The following KISS1R variants were observed in gnomAD, a reference collection of about 807,000 sequenced individuals.
KISS1R encodes kiSS-1 receptor.
KISS1R carries 19 observed loss-of-function variants against 22.0 expected under a neutral mutation model. The observed-to-expected ratio is 0.86, with a 90% CI of 0.60 to 1.26. KISS1R has a LOEUF of 1.26. Ranked by LOEUF, KISS1R falls within the 50% of genes most tolerant of loss-of-function variation. The pLI is 0.00. For missense variants in KISS1R, 653 were observed against 581.9 expected, an observed-to-expected ratio of 1.12 and a Z score of -1.26; for synonymous variants, 302 against 283.9, an observed-to-expected ratio of 1.06 and a Z score of -0.64.
rs1215038050 is a variant in KISS1R, at chr19:917,487, G to A, written c.-16G>A. 3.9e-5 allele frequency: 57 copies of A among 1,451,164 alleles called. No homozygotes were observed. The highest frequency in any genetic ancestry group is 5.1e-5 in the Non-Finnish European group (56 of 1,106,860). 89.9% of individuals were successfully genotyped at this position (1,451,164 alleles called of 1,614,324 possible). A position where few individuals can be genotyped will look rare whatever the true frequency, so the allele number is the denominator to read the frequency against. On this transcript the variant is annotated 5_prime_UTR_variant, in exon 1 of 5. Coordinates refer to ENST00000234371, the MANE Select transcript of KISS1R (RefSeq NM_032551.5). Reference sequence around the variant, plus strand: ...CAATCCTGGAGGGCGGCCGGGAGGAGGAGGTGCGCGCGGCCATGCACACCG... The same window carrying A: ...CAATCCTGGAGGGCGGCCGGGAGGAAGAGGTGCGCGCGGCCATGCACACCG...
chr19:919,971 G>T lies in KISS1R; in HGVS notation c.603G>T (p.Glu201Asp). The change falls in exon 4 of 5, where the codon GAG (glutamate) becomes GAT (aspartate). Residue 201 changes from glutamate to aspartate, a missense_variant. By Grantham distance (45) the Glu-to-Asp change is conservative. Transcript: ENST00000234371. ...CSEAFPSRAL[E>D]RAFALYNLLA... ...AGGCCTTCCCCAGCCGCGCCCTGGAGCGCGCCTTCGCACTGTACAACCTGC... is the reference window on the plus strand; with the variant it reads ...AGGCCTTCCCCAGCCGCGCCCTGGATCGCGCCTTCGCACTGTACAACCTGC... The T allele has an allele frequency of 6.4e-7, 1 of 1,569,020 alleles. No homozygotes were observed.
chr19:920,030 G>C lies in KISS1R; in HGVS notation c.662G>C (p.Cys221Ser). The change falls in exon 4 of 5, where the codon TGC becomes TCC. Residue 221 changes from cysteine to serine, a missense_variant. Physicochemically the swap from Cys to Ser is moderately radical, Grantham distance 112 (BLOSUM62 -1). Transcript: ENST00000234371. ...TACCTGCTGCCGCTGCTCGCCACCT[G>C]CGCCTGCTATGCGGCCATGCTGCGC... ...ALYLLPLLAT[C>S]ACYAAMLRHL... is the part of the protein sequence containing the mutation. 6.5e-7 allele frequency: 1 copy of C among 1,540,412 alleles called. No homozygotes were observed. Among genetic ancestry groups the C allele is most frequent in the Non-Finnish European group, 8.7e-7 (1 of 1,146,514 alleles).
At chr19:919,382 G>A in intron 2 of KISS1R, 108 bp from the exon 3 acceptor site, 1 of 1,460,660 alleles carries the variant, frequency 6.8e-7, no homozygotes, top group South Asian at 1.2e-5. Context: ...GACACTTCCC[G>A]TGTATGTGCC....
Position 920,493 on chromosome 19 carries a change from C to T in KISS1R, c.942C>T (p.Ser314=). The T allele has an allele frequency of 6.2e-7, 1 of 1,609,974 alleles. No homozygotes were observed. Among genetic ancestry groups the T allele is most frequent in the South Asian group, 1.1e-5 (1 of 90,620 alleles). ...CCTGGGCTCACTGCATGTCCTACAG[C>T]AACTCCGCGCTGAACCCGCTGCTCT... ...LKTWAHCMSY[S]NSALNPLLYA... Residue 314 remains serine (S), a synonymous_variant, in exon 5 of 5, where the codon AGC becomes AGT. Coordinates refer to ENST00000234371, the MANE Select transcript of KISS1R (RefSeq NM_032551.5).
rs1172123745 is a variant in KISS1R, at chr19:920,451, C to G, written c.900C>G (p.Ala300=). Residue 300 remains alanine, a synonymous_variant, in exon 5 of 5, where the codon GCC becomes GCG. Transcript: ENST00000234371. The stretch of plus-strand genomic sequence containing the variant: ...GCTCCTGGCACCCACGCAGCTACGC[C>G]GCCTACGCGCTTAAGACCTGGGCTC... ...PAGSWHPRSY[A]AYALKTWAHC... 1.2e-6 allele frequency: 2 copies of G among 1,610,718 alleles called. No homozygotes were observed. Among genetic ancestry groups the G allele is most frequent in the South Asian group, 2.2e-5 (2 of 90,772 alleles).
In KISS1R at chr19:919,512, C is replaced by T. The variant is rs772656538; in HGVS notation, c.392C>T (p.Ala131Val). Reference protein sequence around the residue: ...IQQVSVQATCATLTAMSVDRW... With the variant: ...IQQVSVQATCVTLTAMSVDRW... ...CAGGTCTCGGTGCAGGCCACGTGTG[C>T]CACTCTGACCGCCATGAGTGTGGAC... is the stretch of plus-strand genomic sequence containing the variant. The change falls in exon 3 of 5, where the codon GCC becomes GTC. Residue 131 changes from alanine (A) to valine (V), a missense_variant. Transcript: ENST00000234371. 6.4e-6 allele frequency: 10 copies of T among 1,556,830 alleles called. No homozygotes were observed. The highest frequency in any genetic ancestry group is 8.7e-6 in the Non-Finnish European group (10 of 1,156,054).
Position 919,909 on chromosome 19 carries a change from C to T in KISS1R, c.541C>T (p.His181Tyr). 6.5e-7 allele frequency: 1 copy of T among 1,548,436 alleles called. No homozygotes were observed. The change falls in exon 4 of 5, where the codon CAC (histidine) becomes TAC (tyrosine). Residue 181 changes from histidine to tyrosine, a missense_variant. Transcript: ENST00000234371. ...AAVSAPVLALHRLSPGPRAYC... is the reference protein window; with the variant it reads ...AAVSAPVLALYRLSPGPRAYC... ...GGTGTCTGCGCCGGTGCTCGCCCTGCACCGCCTGTCACCCGGGCCGCGCGC... is the reference window on the plus strand; with the variant it reads ...GGTGTCTGCGCCGGTGCTCGCCCTGTACCGCCTGTCACCCGGGCCGCGCGC...
chr19:920,737 G>T lies in KISS1R; in HGVS notation c.1186G>T (p.Ala396Ser). ...GCTGTGCGTCCTGGGGGAGGACAAC[G>T]CCCCTCTCTGAGCGGACCCGGTGGG... ...RGLCVLGEDNAPL is the reference protein window; with the variant it reads ...RGLCVLGEDNSPL The change falls in exon 5 of 5, where the codon GCC becomes TCC. Residue 396 changes from alanine (A) to serine (S), a missense_variant. Coordinates refer to ENST00000234371, the MANE Select transcript of KISS1R (RefSeq NM_032551.5). 2 of 1,291,150 alleles carry T rather than the reference G, an allele frequency of 1.5e-6. No individual in the cohort carries two copies. The highest frequency in any genetic ancestry group is 2.0e-6 in the Non-Finnish European group (2 of 1,021,764). The allele number at this position is 1,291,150 out of a possible 1,614,324, so 80.0% of individuals were successfully genotyped here. A position where few individuals can be genotyped will look rare whatever the true frequency, so the allele number is the denominator to read the frequency against.
At chr19:917,978 A>C (rs560406801) in intron 1 of KISS1R, among the ~76,000 whole-genome samples, 66 of 152,252 alleles carry the variant, frequency 4.3e-4, no homozygotes, top group African/African-American at 1.5e-3. Flanking sequence ...AGTGTGGCAC[A>C]TGGAAACCTC....
At position 917,522 on chromosome 19, in the gene KISS1R, C is replaced by G. The variant is rs200181141; in HGVS notation, c.20C>G (p.Ser7Cys). Reference sequence around the variant, plus strand: ...GCGGCCATGCACACCGTGGCTACGTCCGGACCCAACGCGTCCTGGGGGGCA... The same window carrying G: ...GCGGCCATGCACACCGTGGCTACGTGCGGACCCAACGCGTCCTGGGGGGCA... MHTVAT[S>C]GPNASWGAPA... The change falls in exon 1 of 5, where the codon TCC (serine) becomes TGC (cysteine). Residue 7 changes from serine (S) to cysteine (C), a missense_variant. Ser to Cys is a moderately radical substitution (Grantham distance 112, BLOSUM62 -1). Transcript: ENST00000234371. 1 of 1,502,444 alleles carries G rather than the reference C, an allele frequency of 6.7e-7. No individual in the cohort carries two copies. The highest frequency in any genetic ancestry group is 2.6e-5 in the East Asian group (1 of 38,654). 93.1% of individuals were successfully genotyped at this position (1,502,444 alleles called of 1,614,324 possible). A position where few individuals can be genotyped will look rare whatever the true frequency, so the allele number is the denominator to read the frequency against.
chr19:919,331 C>T (rs2145319538), intron 2 of KISS1R, among the ~76,000 whole-genome samples, 159 bp from the exon 3 acceptor site: 1 of 152,322 alleles, frequency 6.6e-6, no homozygotes, highest in South Asian at 2.1e-4. Context: ...CCAGTCTCCC[C>T]ACCTTCTGTC....
In KISS1R at chr19:920,640, G is replaced by A. The variant is rs768086854; in HGVS notation, c.1089G>A (p.Leu363=). 1 of 1,337,414 alleles carries A rather than the reference G, an allele frequency of 7.5e-7. No homozygotes were observed. The highest frequency in any genetic ancestry group is 9.5e-7 in the Non-Finnish European group (1 of 1,052,346). The allele number at this position is 1,337,414 out of a possible 1,614,324, so 82.8% of individuals were successfully genotyped here. The change falls in exon 5 of 5, where the codon CTG becomes CTA. Residue 363 remains leucine (L), a synonymous_variant. Coordinates refer to ENST00000234371, the MANE Select transcript of KISS1R (RefSeq NM_032551.5). ...PSDPAAPHAE[L]LRLGSHPAPA... ...ACCCCGCAGCCCCACACGCGGAGCT[G>A]CTCCGCCTGGGGTCCCACCCGGCCC...
rs138559034 is a variant in KISS1R at position 918,609 on chromosome 19, C to T, written c.310C>T (p.Pro104Ser). ...CCVPFTALLY[P>S]LPGWVLGDFM... is the part of the protein sequence containing the mutation. ...CGTCCCCTTCACGGCCCTGCTGTAC[C>T]CGCTGCCCGGCTGGGTGCTGGGCGA... The change falls in exon 2 of 5, where the codon CCG becomes TCG. Residue 104 changes from proline (P) to serine (S), a missense_variant. By Grantham distance (74) the Pro-to-Ser change is moderately conservative. Transcript: ENST00000234371. The T allele has an allele frequency of 6.4e-6, 10 of 1,551,592 alleles. No homozygotes were observed. The African/African-American group carries it at 8.2e-5, about 13-fold the overall frequency.
chr19:919,874 G>A lies in KISS1R; in HGVS notation c.506G>A (p.Gly169Asp), dbSNP rs767661561. Residue 169 changes from glycine to aspartate, a missense_variant and splice_region_variant, in exon 4 of 5, where the codon GGC (glycine) becomes GAC (aspartate). Transcript: ENST00000234371. ...ALAVSLSIWV[G>D]SAAVSAPVLA... ...GTCTTCATCCTGGCTTGTGGCACAG[G>A]CTCTGCGGCGGTGTCTGCGCCGGTG... 1 of 1,537,468 alleles carries A rather than the reference G, an allele frequency of 6.5e-7. No homozygotes were observed. The highest frequency in any genetic ancestry group is 1.4e-5 in the African/African-American group (1 of 73,140).
rs1028929884 is a variant in KISS1R, at chr19:919,643, G to T, written c.505+18G>T. The T allele has an allele frequency of 6.5e-6, 10 of 1,545,392 alleles. No homozygotes were observed. The African/African-American group carries it at 6.8e-5, about 11-fold the overall frequency. Reference sequence around the variant, plus strand: ...CTGGGTAGGTGAGTACAGCTCAGGGGCCTCACGGGAGAAGGCGGACACGTC... The same window carrying T: ...CTGGGTAGGTGAGTACAGCTCAGGGTCCTCACGGGAGAAGGCGGACACGTC... On this transcript the variant is annotated intron_variant, in intron 3 of 4. Coordinates refer to ENST00000234371, the MANE Select transcript of KISS1R (RefSeq NM_032551.5).
rs182330705 is a variant in KISS1R at position 917,929 on chromosome 19, C to T, written c.244+183C>T. On this transcript the variant is annotated intron_variant, in intron 1 of 4. Transcript: ENST00000234371. ...TGCACCTGAGGCTAGAGGTCGCAAA[C>T]TCCAGCGCGGGCGGGCCCGGGCGGG... Among the ~76,000 whole-genome samples the T allele has an allele frequency of 4.2e-3, 647 of 152,242 alleles. 7 individuals are homozygous for T. Among genetic ancestry groups the T allele is most frequent in the African/African-American group, 0.015 (632 of 41,562 alleles).
In KISS1R at chr19:920,279, C is replaced by T. The variant is rs772452490; in HGVS notation, c.739-11C>T. ...GCCTTTCGTCTAACCACCTTCACGGCACCCCCCCAGGGGCAGGTGCTGGCA... is the reference window on the plus strand; with the variant it reads ...GCCTTTCGTCTAACCACCTTCACGGTACCCCCCCAGGGGCAGGTGCTGGCA... On this transcript the variant is annotated splice_polypyrimidine_tract_variant and intron_variant, in intron 4 of 4. Coordinates refer to ENST00000234371, the MANE Select transcript of KISS1R (RefSeq NM_032551.5). 4.5e-6 allele frequency: 7 copies of T among 1,567,592 alleles called. No individual in the cohort carries two copies. The Admixed American group carries it at 1.1e-4, about 24-fold the overall frequency.
Position 917,711 on chromosome 19 carries a change from A to G in KISS1R, c.209A>G (p.His70Arg). The G allele has an allele frequency of 6.2e-7, 1 of 1,603,256 alleles. No homozygotes were observed. The highest frequency in any genetic ancestry group is 1.1e-5 in the South Asian group (1 of 89,886). ...CTGGTCATCTACGTCATCTGCCGCC[A>G]CAAGCCGATGCGGACCGTGACCAAC... Reference protein sequence around the residue: ...NSLVIYVICRHKPMRTVTNFY... With the variant: ...NSLVIYVICRRKPMRTVTNFY... Residue 70 changes from histidine (H) to arginine (R), a missense_variant, in exon 1 of 5, where the codon CAC (histidine) becomes CGC (arginine). Coordinates refer to ENST00000234371, the MANE Select transcript of KISS1R (RefSeq NM_032551.5).
chr19:918,681 G>T lies in KISS1R; in HGVS notation c.369+13G>T. On this transcript the variant is annotated intron_variant, in intron 2 of 4. Transcript: ENST00000234371. The stretch of plus-strand genomic sequence containing the variant: ...CTACATCCAGCAGGTGCGCTCCGGA[G>T]CAGGAGGGGAGAGGGCGCACTTGGG... 1 of 1,549,512 alleles carries T rather than the reference G, an allele frequency of 6.5e-7. No individual in the cohort carries two copies.
Sources: allele counts gnomAD v4.1 joint callset (sites outside exome capture counted in the v4.1 genomes callset), GRCh38; gene constraint gnomAD v4.1.1; transcripts MANE v1.5; gene names NCBI Gene and HGNC (gene_info 2026-07-23, HGNC 2026-07-21).